The following SUMF1 variants were observed in gnomAD, a reference collection of about 807,000 sequenced individuals.
SUMF1 encodes the protein sulfatase modifying factor 1.
SUMF1 carries 48 observed loss-of-function variants against 47.6 expected under a neutral mutation model. That is an observed-to-expected ratio of 1.01 (90% CI 0.80 to 1.28). SUMF1 has a LOEUF of 1.28. SUMF1 is among the 50% of genes most tolerant of loss of function. The pLI is 0.00. For missense variants in SUMF1, 571 were observed against 485.4 expected (o/e 1.18, Z -1.66); for synonymous variants, 230 against 192.1 (o/e 1.20, Z -1.63).
chr3:4,384,538 G>C (rs759844241), intron 7 of SUMF1, among the ~76,000 whole-genome samples: 1 of 151,934 alleles, frequency 6.6e-6, no homozygotes, highest in South Asian at 2.1e-4. Context: ...CTATAATTTT[G>C]TCATTTCAAG....
intron 8 of SUMF1, among the ~76,000 whole-genome samples, chr3:4,363,221 A>C (rs1354074325): frequency 1.3e-5 from 2 of 152,152 alleles, no homozygotes; most frequent in East Asian, 1.9e-4. Flanking sequence ...ATACCTAAAT[A>C]ATATTTATGA....
chr3:4,083,459 C>T (rs2125046935), intron 8 of SUMF1, among the ~76,000 whole-genome samples: 1 of 152,208 alleles, frequency 6.6e-6, no homozygotes, highest in African/African-American at 2.4e-5. Flanking sequence ...GAGCTCATCA[C>T]CAGGGTGCCT....
intron 8 of SUMF1, among the ~76,000 whole-genome samples, chr3:4,350,039 C>T (rs1217146876): frequency 4.7e-5 from 7 of 148,324 alleles, no homozygotes; most frequent in Middle Eastern, 3.4e-3. Context: ...CTCGCTCTGT[C>T]GCCCAGGCTG....
intron 8 of SUMF1, among the ~76,000 whole-genome samples, chr3:4,243,974 A>G (rs1398672374): frequency 6.6e-6 from 1 of 152,142 alleles, no homozygotes; most frequent in African/African-American, 2.4e-5. Context: ...TAGGATAGTT[A>G]GCTCTTCTTG....
chr3:4,110,755 A>T (rs1305619900), intron 8 of SUMF1, among the ~76,000 whole-genome samples: 1 of 149,066 alleles, frequency 6.7e-6, no homozygotes, highest in Non-Finnish European at 1.5e-5. Flanking sequence ...AAAAAACCAA[A>T]CACCGCATGT....
chr3:4,294,499 G>C (rs1048860519), intron 8 of SUMF1, among the ~76,000 whole-genome samples: 1 of 152,138 alleles, frequency 6.6e-6, no homozygotes, highest in Non-Finnish European at 1.5e-5. Flanking sequence ...GAGAGATCGA[G>C]GCTGCAGTGA....
intron 2 of SUMF1, among the ~76,000 whole-genome samples, chr3:4,452,170 A>T (rs1702997729): frequency 6.6e-6 from 1 of 152,152 alleles, no homozygotes; most frequent in African/African-American, 2.4e-5. Context: ...AACTGAAGAC[A>T]AGAGTAAAGG....
chr3:4,052,351 G>A (rs765658830), intron 9 of SUMF1, among the ~76,000 whole-genome samples: 3 of 152,072 alleles, frequency 2.0e-5, no homozygotes, highest in Non-Finnish European at 2.9e-5. Flanking sequence ...TATAAATTTG[G>A]CAAGGACACA....
chr3:4,214,315 T>C (rs74825022), intron 8 of SUMF1, among the ~76,000 whole-genome samples: 1 of 151,988 alleles, frequency 6.6e-6, no homozygotes, highest in African/African-American at 2.4e-5. Context: ...GACTACTCAG[T>C]AAATAACAAA....
chr3:4,281,410 G>A (rs1697526941), intron 8 of SUMF1, among the ~76,000 whole-genome samples: 1 of 152,080 alleles, frequency 6.6e-6, no homozygotes, highest in South Asian at 2.1e-4. Flanking sequence ...CATCCACATT[G>A]GCTACTAGCT....
chr3:4,273,767 GATACGGGAGGGGA>G lies in SUMF1; in HGVS notation c.1014+102550_1014+102562del, dbSNP rs1697354702. ...CGGGAGGGAGGATACGGGAGGGGAG[GATACGGGAGGGGA>G]GGATACGGGAGGGGAGGGCATGGGA... is the stretch of plus-strand genomic sequence containing the variant. On this transcript the variant is annotated intron_variant and NMD_transcript_variant, in intron 8 of 12. Transcript: ENST00000448413. 2.8e-5 allele frequency among the ~76,000 whole-genome samples: 3 copies of G among 108,372 alleles called. 1 individual carries two copies. The highest frequency in any genetic ancestry group is 1.2e-4 in the African/African-American group (3 of 25,764). The allele number at this position is 108,372 out of a possible 152,430, so 71.1% of individuals were successfully genotyped here.
At chr3:4,411,084 G>T in intron 6 of SUMF1, 106 bp from the exon 7 acceptor site, 2 of 957,098 alleles carry the variant, frequency 2.1e-6, no homozygotes, top group Admixed American at 1.9e-5. Context: ...TATGAATGTT[G>T]GGTTTTATTC....
rs140064147 is a variant in SUMF1, at chr3:4,236,220, G to A, written c.1014+140110C>T. 5.9e-3 allele frequency among the ~76,000 whole-genome samples: 890 copies of A among 152,076 alleles called. 10 individuals carry two copies. Among genetic ancestry groups the A allele is most frequent in the African/African-American group, 0.02 (843 of 41,506 alleles). On this transcript the variant is annotated intron_variant and NMD_transcript_variant, in intron 8 of 12. Coordinates refer to the SUMF1 transcript ENST00000448413. ...AAAATTCAGTTTAAAAGCTACAAAGGAAACTAATAGAAAAACCACATATCT... is the reference window on the plus strand; with the variant it reads ...AAAATTCAGTTTAAAAGCTACAAAGAAAACTAATAGAAAAACCACATATCT...
chr3:4,309,917 A>G (rs184064604), intron 8 of SUMF1, among the ~76,000 whole-genome samples: 8 of 152,352 alleles, frequency 5.3e-5, no homozygotes, highest in African/African-American at 1.7e-4. Context: ...CAATTTCGTC[A>G]TTATGCAAAA....
rs1389364664 is a variant in SUMF1, at chr3:4,068,787, C to A, written c.1015-42G>T. 4 of 285,840 alleles carry A rather than the reference C, an allele frequency of 1.4e-5. No individual in the cohort carries two copies. In the Admixed American group the frequency reaches 1.8e-4, roughly 13 times the overall value. The allele number at this position is 285,840 out of a possible 1,614,324, so 17.7% of individuals were successfully genotyped here. ...GAAGAAGAAGAAGAAATAATAATAACATGAATAGGTAATATTTATTTATTT... is the reference window on the plus strand; with the variant it reads ...GAAGAAGAAGAAGAAATAATAATAAAATGAATAGGTAATATTTATTTATTT... On this transcript the variant is annotated intron_variant and NMD_transcript_variant, in intron 8 of 12. Transcript: ENST00000448413.
intron 7 of SUMF1, among the ~76,000 whole-genome samples, chr3:4,388,310 T>C (rs1167454450): frequency 1.3e-5 from 2 of 152,118 alleles, no homozygotes; most frequent in Non-Finnish European, 2.9e-5. Context: ...TATCATTATA[T>C]ACGTTCTTCC....
chr3:4,264,459 T>C (rs185925359), intron 8 of SUMF1, among the ~76,000 whole-genome samples: 1 of 152,312 alleles, frequency 6.6e-6, no homozygotes, highest in Admixed American at 6.5e-5. Context: ...GTGATGAACA[T>C]TTCATGAGCC....
chr3:4,321,470 T>TAAAAAAAA (rs1206478992), intron 8 of SUMF1, among the ~76,000 whole-genome samples: 200 of 63,598 alleles, frequency 3.1e-3, no homozygotes, highest in Non-Finnish European at 4.2e-3. Context: ...AAGGAAATGC[T>TAAAAAAAA]AAAAAAAAAA....
At chr3:4,435,559 A>G (rs1003628282) in intron 3 of SUMF1, among the ~76,000 whole-genome samples, 1 of 152,230 alleles carries the variant, frequency 6.6e-6, no homozygotes, top group African/African-American at 2.4e-5. Context: ...AAGAAACCCC[A>G]AATAGGATAA....
Sources: allele counts gnomAD v4.1 joint callset (sites outside exome capture counted in the v4.1 genomes callset), GRCh38; gene constraint gnomAD v4.1.1; transcripts MANE v1.5; gene names NCBI Gene and HGNC (gene_info 2026-07-23, HGNC 2026-07-21).